The following ZNF385B variants were observed in gnomAD, a reference collection of about 807,000 sequenced individuals.
ZNF385B encodes the protein zinc finger protein 533.
Under a neutral mutation model 39.2 loss-of-function variants are expected in ZNF385B, and 23 were observed. That is an observed-to-expected ratio of 0.59 (90% CI 0.42 to 0.83). The LOEUF is 0.83. Among genes scored for constraint, ZNF385B ranks in the 40% least tolerant of loss-of-function variants. The probability of loss-of-function intolerance (pLI) is 0.00; values close to 1 mark genes in which losing one functional copy is unlikely to be tolerated. For missense variants in ZNF385B, 552 were observed against 598.9 expected (o/e 0.92, Z 0.82); for synonymous variants, 205 against 222.6 (o/e 0.92, Z 0.70).
intron 3 of ZNF385B, among the ~76,000 whole-genome samples, chr2:179,701,882 G>A (rs181659371): frequency 1.1e-3 from 162 of 152,242 alleles, no homozygotes; most frequent in Non-Finnish European, 1.9e-3. Flanking sequence ...CACATATAAA[G>A]GTATCCCGTG....
chr2:179,455,065 C>T (rs532977970), intron 6 of ZNF385B, among the ~76,000 whole-genome samples: 1 of 152,254 alleles, frequency 6.6e-6, no homozygotes, highest in Admixed American at 6.5e-5. Flanking sequence ...CACTGACTCA[C>T]CCACAGCAAC....
chr2:179,776,170 A>C (rs1704303502), intron 1 of ZNF385B, among the ~76,000 whole-genome samples: 1 of 152,260 alleles, frequency 6.6e-6, no homozygotes, highest in African/African-American at 2.4e-5. Context: ...TTATCCTAAG[A>C]ACTAAAGAGA....
chr2:179,847,284 G>A (rs1256653534), intron 1 of ZNF385B, among the ~76,000 whole-genome samples: 1 of 152,132 alleles, frequency 6.6e-6, no homozygotes, highest in East Asian at 1.9e-4. Context: ...AATTATTTTG[G>A]TAACTCTTCT....
At chr2:179,818,794 T>C (rs1468535711) in intron 1 of ZNF385B, among the ~76,000 whole-genome samples, 1 of 151,982 alleles carries the variant, frequency 6.6e-6, no homozygotes, top group Admixed American at 6.5e-5. Context: ...AATAGAAAGG[T>C]TCTCATCCTC....
At chr2:179,848,614 G>C (rs978071251) in intron 1 of ZNF385B, among the ~76,000 whole-genome samples, 2 of 152,184 alleles carry the variant, frequency 1.3e-5, no homozygotes, top group African/African-American at 4.8e-5. Flanking sequence ...GTGATATTAA[G>C]ATATACGACC....
chr2:179,807,473 C>T (rs1706426990), intron 1 of ZNF385B, among the ~76,000 whole-genome samples: 1 of 151,980 alleles, frequency 6.6e-6, no homozygotes, highest in South Asian at 2.1e-4. Context: ...TGGCGTGTGC[C>T]TTGGGAGGCT....
chr2:179,443,498 TGGA>T, intron 9 of ZNF385B, 30 bp from the exon 10 acceptor site: 1 of 1,530,154 alleles, frequency 6.5e-7, no homozygotes, highest in Non-Finnish European at 8.9e-7. Flanking sequence ...AGGAATGGGG[TGGA>T]GATCCTGTTT....
chr2:179,548,122 G>A (rs2060350939), intron 3 of ZNF385B, among the ~76,000 whole-genome samples: 1 of 149,476 alleles, frequency 6.7e-6, no homozygotes. Context: ...GTTCTTTGGT[G>A]GAATCTTCAG....
intron 4 of ZNF385B, among the ~76,000 whole-genome samples, chr2:179,529,920 G>C (rs923288673): frequency 6.6e-6 from 1 of 152,110 alleles, no homozygotes; most frequent in Admixed American, 6.6e-5. Context: ...AAATGGGTTG[G>C]GTGTTTCCTT....
intron 1 of ZNF385B, among the ~76,000 whole-genome samples, chr2:179,790,386 G>C (rs1483291077): frequency 1.3e-5 from 2 of 152,172 alleles, no homozygotes; most frequent in Non-Finnish European, 2.9e-5. Flanking sequence ...TGTGTTTAAT[G>C]CAAGTACACA....
At chr2:179,682,491 G>T (rs62175164) in intron 3 of ZNF385B, among the ~76,000 whole-genome samples, 37,170 of 151,942 alleles carry the variant, frequency 0.24, 4,949 homozygotes, top group Admixed American at 0.3. Context: ...AATCATTTCC[G>T]TGTTCACTTA....
At chr2:179,789,801 G>A (rs144596656) in intron 1 of ZNF385B, among the ~76,000 whole-genome samples, 19 of 152,138 alleles carry the variant, frequency 1.2e-4, no homozygotes, top group East Asian at 9.7e-4. Flanking sequence ...AAAAGGACTC[G>A]TGCCAAACAT....
chr2:179,745,998 C>G, intron 3 of ZNF385B: 1 of 1,166,580 alleles, frequency 8.6e-7, no homozygotes, highest in Non-Finnish European at 1.1e-6. Context: ...GAAAGCAGAG[C>G]AATTTCAATT....
At chr2:179,772,353 C>T (rs1304399858) in intron 1 of ZNF385B, among the ~76,000 whole-genome samples, 2 of 152,194 alleles carry the variant, frequency 1.3e-5, no homozygotes, top group African/African-American at 4.8e-5. Flanking sequence ...AAACCTCCAA[C>T]ACCGCATTCA....
intron 3 of ZNF385B, among the ~76,000 whole-genome samples, chr2:179,669,316 C>T (rs535530907): frequency 1.1e-4 from 17 of 152,310 alleles, no homozygotes; most frequent in African/African-American, 4.1e-4. Flanking sequence ...ATATCTTGAA[C>T]AGTAGTTCTC....
At chr2:179,534,100 A>C (rs192619814) in intron 4 of ZNF385B, among the ~76,000 whole-genome samples, 1 of 152,210 alleles carries the variant, frequency 6.6e-6, no homozygotes, top group Non-Finnish European at 1.5e-5. Flanking sequence ...AGTATGCTCT[A>C]GCATTATCTC....
At chr2:179,508,558 T>A (rs1467919825) in intron 5 of ZNF385B, among the ~76,000 whole-genome samples, 1 of 152,196 alleles carries the variant, frequency 6.6e-6, no homozygotes, top group Non-Finnish European at 1.5e-5. Flanking sequence ...ACAGGAATTT[T>A]ACACAGGAAA....
chr2:179,743,102 G>T (rs930975111), intron 3 of ZNF385B, among the ~76,000 whole-genome samples: 10 of 151,956 alleles, frequency 6.6e-5, no homozygotes, highest in African/African-American at 1.9e-4. Context: ...TTTTTAAAAA[G>T]ATTTTCATTT....
At chr2:179,566,420 G>T (rs1313662172) in intron 3 of ZNF385B, among the ~76,000 whole-genome samples, 1 of 152,160 alleles carries the variant, frequency 6.6e-6, no homozygotes, top group African/African-American at 2.4e-5. Flanking sequence ...GGAGTCAATA[G>T]CCTATGAGTG....
Sources: gnomAD v4.1 joint callset for allele counts (sites outside exome capture counted in the v4.1 genomes callset) on GRCh38, gnomAD v4.1.1 for gene constraint, MANE v1.5 for transcripts, NCBI Gene and HGNC (gene_info 2026-07-23, HGNC 2026-07-21) for gene names.